SMCO2: variants seen among roughly 807,000 people sequenced by gnomAD.
SMCO2 encodes single-pass membrane and coiled-coil domain-containing protein 2.
Under a neutral mutation model 29.5 loss-of-function variants are expected in SMCO2, and 25 were observed. The ratio of observed to expected loss-of-function variants is 0.85; its 90% CI spans 0.62 to 1.18. The LOEUF is 1.18. SMCO2 is among the 50% of genes most tolerant of loss of function. The pLI is 0.00. For synonymous variants in SMCO2, 117 were observed against 123.3 expected, an observed-to-expected ratio of 0.95 and a Z score of 0.34; for missense variants, 348 against 344.5, an observed-to-expected ratio of 1.01 and a Z score of -0.08.
the SMCO2 span, among the ~76,000 whole-genome samples, chr12:27,437,776 G>A: frequency 1.3e-5 from 2 of 152,154 alleles, no homozygotes; most frequent in Non-Finnish European, 2.9e-5. Flanking sequence ...CTGTCAATAT[G>A]GAAGAGAGCT....
chr12:27,499,511 G>T (rs1592221872), intron 7 of SMCO2, among the ~76,000 whole-genome samples: 1 of 150,478 alleles, frequency 6.6e-6, no homozygotes, highest in Admixed American at 6.6e-5. Flanking sequence ...TTAGATAGTG[G>T]TGATGGTTGT....
the SMCO2 span, among the ~76,000 whole-genome samples, chr12:27,435,295 C>CA: frequency 4.4e-5 from 1 of 22,988 alleles, no homozygotes; most frequent in African/African-American, 1.3e-4. Flanking sequence ...CCCCCCCCCC[C>CA]CCCCCCCGGC....
the SMCO2 span, among the ~76,000 whole-genome samples, chr12:27,445,560 T>G: frequency 6.6e-6 from 1 of 152,218 alleles, no homozygotes; most frequent in Non-Finnish European, 1.5e-5. Flanking sequence ...ATTTCAAAAC[T>G]GAAAACTTGC....
At chr12:27,483,423 T>A (rs936757388) in intron 4 of SMCO2, among the ~76,000 whole-genome samples, 1 of 151,890 alleles carries the variant, frequency 6.6e-6, no homozygotes, top group Non-Finnish European at 1.5e-5. Flanking sequence ...CTTCTCTTTG[T>A]TTTTTTTCTT....
chr12:27,494,341 C>G, exon 6 of SMCO2: 2 of 1,523,398 alleles, frequency 1.3e-6, no homozygotes, highest in Non-Finnish European at 1.8e-6. Flanking sequence ...AGAAGAAAGT[C>G]ATAGAAAGGC....
the SMCO2 span, among the ~76,000 whole-genome samples, chr12:27,440,648 G>GTTTT: frequency 2.9e-4 from 35 of 122,336 alleles, no homozygotes; most frequent in Admixed American, 7.2e-4. Context: ...TTTTCTGTGG[G>GTTTT]TTTTTTTTTT....
intron 4 of SMCO2, 91 bp downstream of exon 4, chr12:27,475,004 A>G: frequency 3.5e-6 from 5 of 1,437,580 alleles, no homozygotes; most frequent in Non-Finnish European, 4.6e-6. Context: ...AGTCTGGAAG[A>G]TTTAAAATCC....
At chr12:27,447,221 C>T in the SMCO2 span, among the ~76,000 whole-genome samples, 1 of 152,268 alleles carries the variant, frequency 6.6e-6, no homozygotes, top group African/African-American at 2.4e-5. Context: ...CCTCCAGCCC[C>T]TTCTTGAGCT....
the SMCO2 span, among the ~76,000 whole-genome samples, chr12:27,437,238 T>G: frequency 6.6e-6 from 1 of 152,048 alleles, no homozygotes; most frequent in African/African-American, 2.4e-5. Flanking sequence ...GCTACCGTAC[T>G]CCAGCCTGGG....
chr12:27,479,180 G>C (rs1228162854), intron 4 of SMCO2, among the ~76,000 whole-genome samples: 3 of 152,100 alleles, frequency 2.0e-5, no homozygotes, highest in Non-Finnish European at 4.4e-5. Context: ...CTGTCATCAG[G>C]TCCCCTGATG....
chr12:27,468,684 G>A (rs306642), intron 1 of SMCO2, among the ~76,000 whole-genome samples: 15,388 of 152,246 alleles, frequency 0.1, 1,247 homozygotes, highest in African/African-American at 0.22. Context: ...CCTGGTCTAG[G>A]TCATCTTTGG....
chr12:27,429,956 C>A, the SMCO2 span, among the ~76,000 whole-genome samples: 3 of 152,200 alleles, frequency 2.0e-5, no homozygotes, highest in African/African-American at 7.2e-5. Flanking sequence ...TAAACACACA[C>A]CTCAGTTTCC....
At chr12:27,453,324 G>C in the SMCO2 span, among the ~76,000 whole-genome samples, 1 of 152,190 alleles carries the variant, frequency 6.6e-6, no homozygotes, top group Non-Finnish European at 1.5e-5. Flanking sequence ...AGAGCCTACT[G>C]AGATAAAAGC....
At chr12:27,483,790 C>G (rs1949664991) in intron 4 of SMCO2, among the ~76,000 whole-genome samples, 1 of 152,142 alleles carries the variant, frequency 6.6e-6, no homozygotes. Flanking sequence ...CTATCACTAT[C>G]TGCCTTCAAG....
intron 5 of SMCO2, among the ~76,000 whole-genome samples, chr12:27,490,998 T>A (rs1949730818): frequency 6.6e-6 from 1 of 152,188 alleles, no homozygotes; most frequent in African/African-American, 2.4e-5. Context: ...GTAAAATTGT[T>A]ACAGAAGCAA....
chr12:27,456,711 G>T, the SMCO2 span, among the ~76,000 whole-genome samples: 10 of 151,618 alleles, frequency 6.6e-5, no homozygotes, highest in Admixed American at 1.3e-4. Context: ...AAACTTTTAC[G>T]TGAAACTCCA....
chr12:27,470,850 T>A, intron 2 of SMCO2, 85 bp downstream of exon 2: 2 of 1,441,654 alleles, frequency 1.4e-6, no homozygotes, highest in Non-Finnish European at 1.9e-6. Flanking sequence ...AACGATGAGA[T>A]TTCCAGGTTC....
At chr12:27,435,713 A>T in the SMCO2 span, among the ~76,000 whole-genome samples, 1 of 152,062 alleles carries the variant, frequency 6.6e-6, no homozygotes, top group Non-Finnish European at 1.5e-5. Flanking sequence ...GACTCCAAAA[A>T]TTCCCACCTC....
At chr12:27,435,280 G>GC in the SMCO2 span, among the ~76,000 whole-genome samples, 44,111 of 44,524 alleles carry the variant, frequency 0.99, 21,852 homozygotes, top group Middle Eastern at 1. Context: ...GATGGCAGCA[G>GC]AACCCCCCCC....
Sources: gnomAD v4.1 joint callset for allele counts (sites outside exome capture counted in the v4.1 genomes callset) on GRCh38, gnomAD v4.1.1 for gene constraint, MANE v1.5 for transcripts, NCBI Gene and HGNC (gene_info 2026-07-23, HGNC 2026-07-21) for gene names.